ZNF536: variants seen among roughly 807,000 people sequenced by gnomAD.
The protein encoded by ZNF536 is zinc finger protein 536.
In ZNF536, 13 loss-of-function variants were observed where a neutral mutation model predicts 84.5. The observed-to-expected ratio is 0.15, with a 90% confidence interval of 0.10 to 0.24. The LOEUF is 0.24. Among genes scored for constraint, ZNF536 ranks in the 10% least tolerant of loss-of-function variants. The pLI is 1.00. For synonymous variants in ZNF536, 811 were observed against 742.5 expected (o/e 1.09, Z -1.50); for missense variants, 1,536 against 1,747.5 (o/e 0.88, Z 2.16).
intron 2 of ZNF536, among the ~76,000 whole-genome samples, chr19:30,501,888 A>T (rs1178731532): frequency 6.6e-6 from 1 of 152,212 alleles, no homozygotes; most frequent in African/African-American, 2.4e-5. Context: ...CATGCTTAGC[A>T]TTCCAATAAT....
chr19:30,637,260 GA>G (rs1457190910), intron 1 of ZNF536, among the ~76,000 whole-genome samples: 1 of 152,118 alleles, frequency 6.6e-6, no homozygotes, highest in Non-Finnish European at 1.5e-5. Flanking sequence ...CCCACCCTAA[GA>G]ACAGTCTCTA....
intron 3 of ZNF536, among the ~76,000 whole-genome samples, chr19:30,537,101 G>A (rs1417553672): frequency 6.6e-6 from 1 of 152,224 alleles, no homozygotes; most frequent in East Asian, 1.9e-4. Flanking sequence ...TGAGAGCAAA[G>A]GCTGTGTCTG....
chr19:30,631,276 T>C (rs752365363), intron 1 of ZNF536, among the ~76,000 whole-genome samples: 3 of 152,212 alleles, frequency 2.0e-5, no homozygotes, highest in Non-Finnish European at 4.4e-5. Context: ...ACACTCGCTT[T>C]TGTTACGCAG....
At chr19:30,267,879 T>TGA (rs1491085772) in intron 1 of ZNF536, among the ~76,000 whole-genome samples, 1 of 151,724 alleles carries the variant, frequency 6.6e-6, no homozygotes, top group East Asian at 1.9e-4. Flanking sequence ...TGTGTGTGTG[T>TGA]GACAGAGACA....
intron 1 of ZNF536, among the ~76,000 whole-genome samples, chr19:30,656,435 T>C (rs1952543904): frequency 6.6e-6 from 1 of 152,230 alleles, no homozygotes; most frequent in Non-Finnish European, 1.5e-5. Flanking sequence ...TCCCCTTGGC[T>C]GGAGCACGTT....
chr19:30,672,515 G>C (rs1285875511), intron 1 of ZNF536, among the ~76,000 whole-genome samples: 1 of 152,170 alleles, frequency 6.6e-6, no homozygotes, highest in African/African-American at 2.4e-5. Flanking sequence ...CAGCAAACAA[G>C]GTCAAATCTG....
At chr19:30,532,026 T>C (rs780693645) in intron 2 of ZNF536, among the ~76,000 whole-genome samples, 34 of 152,172 alleles carry the variant, frequency 2.2e-4, no homozygotes, top group Non-Finnish European at 4.4e-4. Flanking sequence ...TATTCCACAG[T>C]GGCTCCTTGC....
chr19:30,671,554 G>A (rs780785670), intron 1 of ZNF536, among the ~76,000 whole-genome samples: 1 of 152,114 alleles, frequency 6.6e-6, no homozygotes, highest in Admixed American at 6.5e-5. Context: ...GAAGGAGAAG[G>A]GGAAGCGGGG....
At chr19:30,355,864 C>G in intron 3 of ZNF536, among the ~76,000 whole-genome samples, 1 of 152,164 alleles carries the variant, frequency 6.6e-6, no homozygotes, top group East Asian at 1.9e-4. Flanking sequence ...TAAAGTGGCA[C>G]AGTTTCACCC....
In ZNF536 at chr19:30,248,224, C is replaced by CTTTTT. The variant is rs58799737; in HGVS notation, c.-190+19562_-190+19566dup. On this transcript the variant is annotated intron_variant, in intron 1 of 5. Coordinates refer to the ZNF536 transcript ENST00000585628. ...TTCTTTCTTTCTTTTTCTTTTCTTTCTTTTTTTTTTTTTTTGCGACAGAGT... is the reference window on the plus strand; with the variant it reads ...TTCTTTCTTTCTTTTTCTTTTCTTTCTTTTTTTTTTTTTTTTTTTTGCGACAGAGT... Among the ~76,000 whole-genome samples, 109 of 130,994 alleles carry CTTTTT rather than the reference C, an allele frequency of 8.3e-4. 3 individuals carry two copies. Among genetic ancestry groups the CTTTTT allele is most frequent in the East Asian group, 1.9e-3 (8 of 4,284 alleles). 85.9% of individuals were successfully genotyped at this position (130,994 alleles called of 152,430 possible).
intron 1 of ZNF536, among the ~76,000 whole-genome samples, chr19:30,682,676 G>T (rs1000169128): frequency 6.6e-6 from 1 of 152,174 alleles, no homozygotes; most frequent in African/African-American, 2.4e-5. Context: ...TTGCTTTCCT[G>T]CCCTCCCTCT....
rs1009897065 is a variant in ZNF536, at chr19:30,527,021, C to T, written c.2171-7826C>T. Among the ~76,000 whole-genome samples the T allele has an allele frequency of 4.0e-5, 6 of 151,880 alleles. 1 individual carries two copies. The highest frequency in any genetic ancestry group is 4.0e-4 in the East Asian group (2 of 5,062). On this transcript the variant is annotated intron_variant, in intron 2 of 4. Coordinates refer to ENST00000355537, the MANE Select transcript of ZNF536 (RefSeq NM_014717.3). ...GCAGCCTCCGCCTCCTGGGTTCAAG[C>T]GATTCTCTTATCTCAGCCTCCCGAA...
In ZNF536 at chr19:30,564,035, G is replaced by A. The variant is rs117550393; in HGVS notation, c.169+14521G>A. ...GGAGAGTGCCACAGAGGACCCAAGG[G>A]CTAAGGGGACCAGAAAACAAGAGGG... On this transcript the variant is annotated intron_variant, in intron 1 of 1. Coordinates refer to the ZNF536 transcript ENST00000592773. Among the ~76,000 whole-genome samples, 4 of 152,264 alleles carry A rather than the reference G, an allele frequency of 2.6e-5. No individual in the cohort carries two copies. In the South Asian group the frequency reaches 8.3e-4, roughly 32 times the overall value.
intron 1 of ZNF536, among the ~76,000 whole-genome samples, chr19:30,662,990 A>G (rs2050181260): frequency 8.1e-6 from 1 of 123,498 alleles, no homozygotes; most frequent in Non-Finnish European, 1.6e-5. Flanking sequence ...TTTTTTTAAG[A>G]AATAGTTTCC....
intron 1 of ZNF536, among the ~76,000 whole-genome samples, chr19:30,389,869 C>T (rs1320285177): frequency 1.3e-5 from 2 of 152,226 alleles, no homozygotes; most frequent in African/African-American, 2.4e-5. Context: ...GTGACATTTT[C>T]CAACTTGAGC....
In ZNF536 at chr19:30,429,498, G is replaced by A. The variant is rs980130410; in HGVS notation, c.-2-14063G>A. On this transcript the variant is annotated intron_variant, in intron 1 of 4. Coordinates refer to ENST00000355537, the MANE Select transcript of ZNF536 (RefSeq NM_014717.3). ...GGGAAGGGAGTGGCAGTGTCACCCC[G>A]CATCGTCAGCTCACCCCAAAGGCCT... Among the ~76,000 whole-genome samples, 4 of 152,074 alleles carry A rather than the reference G, an allele frequency of 2.6e-5. 1 individual carries two copies. The South Asian group carries it at 6.2e-4, about 24-fold the overall frequency.
intron 1 of ZNF536, among the ~76,000 whole-genome samples, chr19:30,677,252 T>C (rs2050785099): frequency 6.6e-6 from 1 of 152,222 alleles, no homozygotes; most frequent in Admixed American, 6.5e-5. Flanking sequence ...TCCCAGCCTC[T>C]GATGGTTTTC....
At chr19:30,450,668 A>G (rs2052561724) in intron 2 of ZNF536, among the ~76,000 whole-genome samples, 1 of 152,242 alleles carries the variant, frequency 6.6e-6, no homozygotes. Flanking sequence ...CATTTTAAAA[A>G]TGATATTAGG....
At chr19:30,584,669 G>C (rs569186227) in intron 1 of ZNF536, among the ~76,000 whole-genome samples, 1 of 152,266 alleles carries the variant, frequency 6.6e-6, no homozygotes, top group Non-Finnish European at 1.5e-5. Context: ...GAGCAACACA[G>C]GTCTCCCTCC....
Sources: gnomAD v4.1 joint callset for allele counts (sites outside exome capture counted in the v4.1 genomes callset) on GRCh38, gnomAD v4.1.1 for gene constraint, MANE v1.5 for transcripts, NCBI Gene and HGNC (gene_info 2026-07-23, HGNC 2026-07-21) for gene names.